PCDH9: variants seen among roughly 807,000 people sequenced by gnomAD.
PCDH9 encodes protocadherin 9, also known as protocadherin-9.
A neutral mutation model predicts 70.6 loss-of-function variants in PCDH9; 24 were observed. The ratio of observed to expected loss-of-function variants is 0.34; its 90% CI spans 0.25 to 0.48. PCDH9 has a LOEUF of 0.48. Ranked by LOEUF, PCDH9 falls within the 20% of genes least tolerant of loss-of-function variation. PCDH9 has a pLI of 0.99. For synonymous variants in PCDH9, 562 were observed against 558.5 expected (o/e 1.01, Z -0.09); for missense variants, 1,281 against 1,503.6 (o/e 0.85, Z 2.45).
intron 3 of PCDH9, among the ~76,000 whole-genome samples, chr13:66,844,495 G>C (rs1252041385): frequency 6.6e-6 from 1 of 150,934 alleles, no homozygotes; most frequent in African/African-American, 2.4e-5. Flanking sequence ...TGAGGCAGGA[G>C]AATCATTTGA....
intron 2 of PCDH9, among the ~76,000 whole-genome samples, chr13:67,086,426 T>C (rs1368628365): frequency 6.6e-6 from 1 of 152,182 alleles, no homozygotes; most frequent in Non-Finnish European, 1.5e-5. Flanking sequence ...TTGGCACTTC[T>C]TTTAAAGTGC....
rs1365552616 is a variant in PCDH9, at chr13:66,304,262, A to C, written c.*393T>G. On this transcript the variant is annotated 3_prime_UTR_variant, in exon 5 of 5. Transcript: ENST00000377865. The stretch of plus-strand genomic sequence containing the variant: ...GCAGTCCCAGCACAAATCAATGACA[A>C]AAAAAAAAAAAAAAAAAAAAAAAAG... 1 of 141,522 alleles carries C rather than the reference A, an allele frequency of 7.1e-6. No individual in the cohort carries two copies. The highest frequency in any genetic ancestry group is 1.5e-5 in the Non-Finnish European group (1 of 67,836). The allele number at this position is 141,522 out of a possible 1,614,324, so 8.8% of individuals were successfully genotyped here.
At chr13:66,477,671 T>C (rs1361293436) in intron 4 of PCDH9, among the ~76,000 whole-genome samples, 2 of 152,210 alleles carry the variant, frequency 1.3e-5, no homozygotes, top group African/African-American at 2.4e-5. Flanking sequence ...AAGACACTTA[T>C]AGTGTTTTAC....
rs539374490 is a variant in PCDH9 at position 66,617,314 on chromosome 13, G to T, written c.3340+13896C>A. Reference sequence around the variant, plus strand: ...CATACCCCGGTATCTGGTAGGAAGAGAAGAGAACCACGGATGCCTGCTACT... The same window carrying T: ...CATACCCCGGTATCTGGTAGGAAGATAAGAGAACCACGGATGCCTGCTACT... On this transcript the variant is annotated intron_variant, in intron 4 of 4. Coordinates refer to ENST00000377865, the MANE Select transcript of PCDH9 (RefSeq NM_203487.3). Among the ~76,000 whole-genome samples the T allele has an allele frequency of 5.9e-5, 9 of 152,280 alleles. No homozygotes were observed. The South Asian group carries it at 1.9e-3, about 32-fold the overall frequency.
chr13:67,084,452 G>A (rs1202636664), intron 2 of PCDH9, among the ~76,000 whole-genome samples: 1 of 152,074 alleles, frequency 6.6e-6, no homozygotes, highest in Non-Finnish European at 1.5e-5. Flanking sequence ...TGAACTGTAA[G>A]TCCCCGCTTC....
chr13:66,824,858 A>C (rs1176313526), intron 3 of PCDH9, among the ~76,000 whole-genome samples: 5 of 151,518 alleles, frequency 3.3e-5, no homozygotes, highest in Non-Finnish European at 7.4e-5. Context: ...TCCCTAGTGA[A>C]AGTCTTAAAT....
intron 2 of PCDH9, among the ~76,000 whole-genome samples, chr13:66,906,948 G>A (rs2082371585): frequency 6.6e-6 from 1 of 152,106 alleles, no homozygotes; most frequent in Non-Finnish European, 1.5e-5. Flanking sequence ...GCTCACGCCT[G>A]TAATCCCAGC....
chr13:66,579,560 T>C (rs1030282810), intron 4 of PCDH9, among the ~76,000 whole-genome samples: 33 of 152,010 alleles, frequency 2.2e-4, no homozygotes, highest in African/African-American at 7.7e-4. Context: ...CACGGTGTGA[T>C]GGAGAAAAGA....
chr13:66,569,961 CAA>C (rs1566425581), intron 4 of PCDH9, among the ~76,000 whole-genome samples: 1 of 152,042 alleles, frequency 6.6e-6, no homozygotes, highest in African/African-American at 2.4e-5. Context: ...AATGTAAACA[CAA>C]ATATTAAATA....
At chr13:66,863,455 T>G (rs1289894710) in intron 3 of PCDH9, among the ~76,000 whole-genome samples, 1 of 152,138 alleles carries the variant, frequency 6.6e-6, no homozygotes, top group East Asian at 1.9e-4. Flanking sequence ...ATTTTGAAAC[T>G]GACTTGGTAT....
intron 4 of PCDH9, among the ~76,000 whole-genome samples, chr13:66,327,733 T>A (rs1345007242): frequency 6.6e-6 from 1 of 152,292 alleles, no homozygotes; most frequent in South Asian, 2.1e-4. Flanking sequence ...TAATACCTGA[T>A]GCATTATGAG....
At chr13:66,489,239 T>C (rs749747950) in intron 4 of PCDH9, among the ~76,000 whole-genome samples, 11 of 152,186 alleles carry the variant, frequency 7.2e-5, no homozygotes, top group Non-Finnish European at 1.6e-4. Flanking sequence ...TGTTACCGCA[T>C]TGAAAAATTA....
chr13:66,375,523 C>G (rs1177021145), intron 4 of PCDH9, among the ~76,000 whole-genome samples: 1 of 151,924 alleles, frequency 6.6e-6, no homozygotes, highest in Non-Finnish European at 1.5e-5. Flanking sequence ...AATAGCAGGA[C>G]AAGTGACAGA....
intron 2 of PCDH9, among the ~76,000 whole-genome samples, chr13:67,050,918 A>C (rs1249251116): frequency 6.6e-6 from 1 of 152,072 alleles, no homozygotes; most frequent in Non-Finnish European, 1.5e-5. Context: ...TTTTAATTGA[A>C]ATCTTCAGCA....
At chr13:66,790,234 C>G (rs1420799311) in intron 3 of PCDH9, among the ~76,000 whole-genome samples, 1 of 151,864 alleles carries the variant, frequency 6.6e-6, no homozygotes, top group Non-Finnish European at 1.5e-5. Flanking sequence ...AGTTGTAAAC[C>G]TTTATGCTTT....
At chr13:66,783,320 G>T (rs551708731) in intron 3 of PCDH9, among the ~76,000 whole-genome samples, 1 of 152,020 alleles carries the variant, frequency 6.6e-6, no homozygotes, top group South Asian at 2.1e-4. Flanking sequence ...TGCTCATCTT[G>T]TCCTACTCTG....
intron 2 of PCDH9, chr13:67,216,035 G>A (rs761817836): frequency 2.0e-5 from 3 of 152,122 alleles, no homozygotes; most frequent in Non-Finnish European, 4.4e-5. Flanking sequence ...CCTGAAATAC[G>A]CCTGGGTTCA....
At chr13:66,438,168 A>G (rs999486107) in intron 4 of PCDH9, among the ~76,000 whole-genome samples, 1 of 151,780 alleles carries the variant, frequency 6.6e-6, no homozygotes, top group African/African-American at 2.4e-5. Context: ...CGGGAGGTAG[A>G]GGTTGCAGTA....
At chr13:66,828,345 T>C (rs2080860705) in intron 3 of PCDH9, among the ~76,000 whole-genome samples, 1 of 152,144 alleles carries the variant, frequency 6.6e-6, no homozygotes, top group Non-Finnish European at 1.5e-5. Flanking sequence ...AAGAGTGACA[T>C]GAATTTATAA....
Sources: allele counts gnomAD v4.1 joint callset (sites outside exome capture counted in the v4.1 genomes callset), GRCh38; gene constraint gnomAD v4.1.1; transcripts MANE v1.5; gene names NCBI Gene and HGNC (gene_info 2026-07-23, HGNC 2026-07-21).